The following EPHA5 variants were observed in gnomAD, a reference collection of about 807,000 sequenced individuals.
The protein encoded by EPHA5 is EPH receptor A5, also known as ephrin type-A receptor 5.
In EPHA5, 60 loss-of-function variants were observed where a neutral mutation model predicts 105.0. That is an observed-to-expected ratio of 0.57 (90% CI 0.46 to 0.71). The LOEUF is 0.71. Ranked by LOEUF, EPHA5 falls within the 30% of genes least tolerant of loss-of-function variation. The pLI is 0.00. For missense variants in EPHA5, 1,218 were observed against 1,274.7 expected (o/e 0.96, Z 0.68); for synonymous variants, 513 against 449.1 (o/e 1.14, Z -1.80).
chr4:65,329,869 T>C, intron 16 of EPHA5, among the ~76,000 whole-genome samples: 1 of 150,464 alleles, frequency 6.6e-6, no homozygotes, highest in South Asian at 2.1e-4. Context: ...TTTAAAAAAA[T>C]TTTTTTGACC....
chr4:65,608,110 T>C (rs1744412640), intron 2 of EPHA5, among the ~76,000 whole-genome samples: 1 of 152,148 alleles, frequency 6.6e-6, no homozygotes, highest in Non-Finnish European at 1.5e-5. Flanking sequence ...GATGATGGGT[T>C]GATGGGTGCA....
At chr4:65,510,225 AG>A in intron 3 of EPHA5, among the ~76,000 whole-genome samples, 1 of 129,406 alleles carries the variant, frequency 7.7e-6, no homozygotes, top group African/African-American at 2.9e-5. Context: ...TTTTTTTTTT[AG>A]TAGAGACAGG....
At chr4:65,379,425 T>C (rs1719339627) in intron 8 of EPHA5, among the ~76,000 whole-genome samples, 1 of 151,754 alleles carries the variant, frequency 6.6e-6, no homozygotes, top group East Asian at 1.9e-4. Context: ...ATATTTATAC[T>C]TCTATTTTAT....
At chr4:65,411,072 G>C (rs1722863458) in intron 7 of EPHA5, among the ~76,000 whole-genome samples, 2 of 151,968 alleles carry the variant, frequency 1.3e-5, no homozygotes, top group African/African-American at 4.8e-5. Context: ...CTGCTGTTGA[G>C]AATGGGGGTA....
intron 3 of EPHA5, among the ~76,000 whole-genome samples, chr4:65,514,061 T>C (rs529423510): frequency 5.3e-4 from 80 of 152,304 alleles, no homozygotes; most frequent in African/African-American, 1.7e-3. Flanking sequence ...CAAACAAACA[T>C]ATGGCTTTGT....
At chr4:65,379,127 ATT>A (rs1318527637) in intron 8 of EPHA5, among the ~76,000 whole-genome samples, 4 of 151,930 alleles carry the variant, frequency 2.6e-5, no homozygotes, top group Non-Finnish European at 2.9e-5. Context: ...CTGCATCGTG[ATT>A]GGCTATTATC....
intron 11 of EPHA5, among the ~76,000 whole-genome samples, chr4:65,358,977 T>C (rs1174158571): frequency 6.6e-6 from 1 of 151,620 alleles, no homozygotes; most frequent in East Asian, 1.9e-4. Context: ...ACAGTAATTA[T>C]GGAGTCAGAA....
rs188403259 is a variant in EPHA5 at position 65,483,373 on chromosome 4, C to T, written c.1402+7004G>A. 2.3e-3 allele frequency among the ~76,000 whole-genome samples: 349 copies of T among 152,242 alleles called. 3 individuals are homozygous for T. Among genetic ancestry groups the T allele is most frequent in the Non-Finnish European group, 4.3e-3 (290 of 68,026 alleles). The stretch of plus-strand genomic sequence containing the variant: ...TGACTTACAATCCTTTGGGTATATA[C>T]CCAGTAATGGGATGGCTGGGTCAAA... On this transcript the variant is annotated intron_variant, in intron 5 of 16. Transcript: ENST00000613740.
intron 3 of EPHA5, among the ~76,000 whole-genome samples, chr4:65,501,643 T>TC (rs1732501525): frequency 6.6e-6 from 1 of 151,700 alleles, no homozygotes. Flanking sequence ...TACTTATGGA[T>TC]CAGAGGAATC....
intron 2 of EPHA5, among the ~76,000 whole-genome samples, chr4:65,610,383 G>A (rs1744654965): frequency 6.6e-6 from 1 of 152,026 alleles, no homozygotes; most frequent in African/African-American, 2.4e-5. Context: ...GAGTGTGTGT[G>A]GCTGTATGGG....
intron 8 of EPHA5, chr4:65,376,887 A>G (rs1719061130): frequency 2.3e-6 from 2 of 867,324 alleles, no homozygotes; most frequent in South Asian, 3.3e-5. Flanking sequence ...CACCTTGGGG[A>G]GCCAGTTTTA....
chr4:65,402,156 TCTC>T (rs752871142), intron 8 of EPHA5, among the ~76,000 whole-genome samples: 5 of 152,032 alleles, frequency 3.3e-5, no homozygotes, highest in Non-Finnish European at 7.4e-5. Context: ...TTTCAGCACT[TCTC>T]CTTCCTGTTG....
chr4:65,492,538 C>CAA (rs10543479), intron 4 of EPHA5, among the ~76,000 whole-genome samples: 18 of 84,890 alleles, frequency 2.1e-4, no homozygotes, highest in East Asian at 1.9e-3. Context: ...GACATCTTTG[C>CAA]AAAAAAAAAA....
At chr4:65,405,907 T>C (rs890843186) in intron 7 of EPHA5, among the ~76,000 whole-genome samples, 1 of 152,046 alleles carries the variant, frequency 6.6e-6, no homozygotes, top group Non-Finnish European at 1.5e-5. Flanking sequence ...TTTCTCCTTC[T>C]TTTTTTGGCA....
Position 65,645,696 on chromosome 4 carries a change from T to C in EPHA5, c.182-2269A>G, listed in dbSNP as rs192824690. 1.2e-3 allele frequency among the ~76,000 whole-genome samples: 179 copies of C among 152,218 alleles called. No individual in the cohort carries two copies. The Middle Eastern group carries it at 0.024, about 20-fold the overall frequency. Reference sequence around the variant, plus strand: ...AAACTAGCTTGGCTGTTAATATAATTTATTGAGTGTTCTCAATGTCGGAAT... The same window carrying C: ...AAACTAGCTTGGCTGTTAATATAATCTATTGAGTGTTCTCAATGTCGGAAT... On this transcript the variant is annotated intron_variant, in intron 1 of 16. Transcript: ENST00000613740.
At chr4:65,339,060 T>G (rs1157481686) in intron 14 of EPHA5, among the ~76,000 whole-genome samples, 2 of 152,166 alleles carry the variant, frequency 1.3e-5, no homozygotes, top group African/African-American at 4.8e-5. Flanking sequence ...TCTGAAATAG[T>G]ATAATATGCT....
intron 16 of EPHA5, 129 bp from the exon 17 acceptor site, chr4:65,324,348 G>T: frequency 1.8e-6 from 1 of 566,638 alleles, no homozygotes; most frequent in Non-Finnish European, 3.1e-6. Flanking sequence ...GACATACAGA[G>T]TCTAGTTTTT....
chr4:65,350,198 G>A (rs536155590), intron 13 of EPHA5, among the ~76,000 whole-genome samples: 4 of 152,156 alleles, frequency 2.6e-5, no homozygotes, highest in African/African-American at 9.6e-5. Context: ...ATTCTTAATT[G>A]AGTTTTCATG....
At chr4:65,456,990 A>G (rs1318599242) in intron 5 of EPHA5, among the ~76,000 whole-genome samples, 3 of 152,180 alleles carry the variant, frequency 2.0e-5, no homozygotes, top group African/African-American at 7.2e-5. Flanking sequence ...TTGTTTTATT[A>G]GGGTATAATG....
Sources: gnomAD v4.1 joint callset for allele counts (sites outside exome capture counted in the v4.1 genomes callset) on GRCh38, gnomAD v4.1.1 for gene constraint, MANE v1.5 for transcripts, NCBI Gene and HGNC (gene_info 2026-07-23, HGNC 2026-07-21) for gene names.